The following GABPB2 variants were observed in gnomAD, a reference collection of about 807,000 sequenced individuals.
The protein encoded by GABPB2 is GA-binding protein subunit beta-2.
A neutral mutation model predicts 39.1 loss-of-function variants in GABPB2; 23 were observed. The ratio of observed to expected loss-of-function variants is 0.59; its 90% confidence interval spans 0.42 to 0.83. GABPB2 has a LOEUF of 0.83. Ranked by LOEUF, GABPB2 falls within the 40% of genes least tolerant of loss-of-function variation. GABPB2 has a pLI of 0.00. For missense variants in GABPB2, 467 were observed against 541.1 expected, an observed-to-expected ratio of 0.86 and a Z score of 1.36; for synonymous variants, 184 against 199.3, an observed-to-expected ratio of 0.92 and a Z score of 0.65.
At chr1:151,104,501 A>G (rs1239472155) in intron 6 of GABPB2, among the ~76,000 whole-genome samples, 1 of 152,230 alleles carries the variant, frequency 6.6e-6, no homozygotes, top group Non-Finnish European at 1.5e-5. Flanking sequence ...AGCAAAGGGA[A>G]AAGCAGTGTA....
chr1:151,114,686 ACT>A (rs1303932585), intron 7 of GABPB2, among the ~76,000 whole-genome samples: 1 of 149,200 alleles, frequency 6.7e-6, no homozygotes, highest in Non-Finnish European at 1.5e-5. Flanking sequence ...ACAGAGCGAG[ACT>A]CTGTCTCAAA....
intron 7 of GABPB2, among the ~76,000 whole-genome samples, chr1:151,111,659 G>A (rs983948758): frequency 2.7e-5 from 4 of 150,772 alleles, no homozygotes; most frequent in Non-Finnish European, 5.9e-5. Context: ...TGATCCACCC[G>A]CCTCGGCCTC....
intron 1 of GABPB2, among the ~76,000 whole-genome samples, chr1:151,087,709 C>G (rs1678323120): frequency 6.6e-6 from 1 of 152,054 alleles, no homozygotes; most frequent in South Asian, 2.1e-4. Flanking sequence ...ATTGTGCTAT[C>G]CAAAGACCTA....
intron 1 of GABPB2, among the ~76,000 whole-genome samples, chr1:151,077,020 C>A (rs957737404): frequency 6.6e-6 from 1 of 151,530 alleles, no homozygotes; most frequent in Non-Finnish European, 1.5e-5. Context: ...GTCTCAATCT[C>A]CTGACCTCGT....
intron 7 of GABPB2, among the ~76,000 whole-genome samples, chr1:151,116,631 AG>A (rs1680898583): frequency 6.6e-6 from 1 of 152,060 alleles, no homozygotes; most frequent in African/African-American, 2.4e-5. Context: ...GTTTTAAGAC[AG>A]GGTCTCATTC....
intron 1 of GABPB2, among the ~76,000 whole-genome samples, chr1:151,087,615 C>G (rs1678312280): frequency 6.6e-6 from 1 of 152,002 alleles, no homozygotes; most frequent in African/African-American, 2.4e-5. Context: ...CCACTGCTCT[C>G]CAGCCTGAGC....
intron 1 of GABPB2, among the ~76,000 whole-genome samples, chr1:151,074,823 T>A (rs1677032027): frequency 6.6e-6 from 1 of 152,132 alleles, no homozygotes; most frequent in Admixed American, 6.6e-5. Context: ...ATGATCTGTA[T>A]CTCGTGCTGA....
chr1:151,082,667 C>T (rs1381913965), intron 1 of GABPB2, among the ~76,000 whole-genome samples: 1 of 151,702 alleles, frequency 6.6e-6, no homozygotes, highest in Admixed American at 6.6e-5. Flanking sequence ...CCTCAGCCTC[C>T]CAAAGTGCTG....
At chr1:151,079,561 C>T (rs1239580393) in intron 1 of GABPB2, among the ~76,000 whole-genome samples, 1 of 151,592 alleles carries the variant, frequency 6.6e-6, no homozygotes, top group Non-Finnish European at 1.5e-5. Flanking sequence ...TATATAAATA[C>T]GATAAATGTA....
At chr1:151,086,818 C>A (rs1251871816) in intron 1 of GABPB2, among the ~76,000 whole-genome samples, 1 of 152,002 alleles carries the variant, frequency 6.6e-6, no homozygotes, top group Non-Finnish European at 1.5e-5. Context: ...TAGGCACGTA[C>A]CACCATGCCC....
At chr1:151,076,258 G>A (rs1352262140) in intron 1 of GABPB2, among the ~76,000 whole-genome samples, 3 of 152,128 alleles carry the variant, frequency 2.0e-5, no homozygotes, top group Non-Finnish European at 4.4e-5. Flanking sequence ...GGGGTTACTA[G>A]CTGATTCCAG....
intron 1 of GABPB2, among the ~76,000 whole-genome samples, chr1:151,079,933 A>T (rs1677511705): frequency 7.0e-6 from 1 of 142,744 alleles, no homozygotes; most frequent in Non-Finnish European, 1.5e-5. Context: ...ATAATAAAAC[A>T]TTGCCGGGCA....
chr1:151,111,523 C>T lies in GABPB2; in HGVS notation c.922+4301C>T, dbSNP rs1040697681. On this transcript the variant is annotated intron_variant, in intron 7 of 8. Transcript: ENST00000368918. ...CCGCAAGCTCCACCTCCCGGGTTGA[C>T]GCCATTCTCCTGCCTCAGCCTCCTG... Among the ~76,000 whole-genome samples the T allele has an allele frequency of 7.3e-5, 11 of 151,470 alleles. No homozygotes were observed. The South Asian group carries it at 8.4e-4, about 12-fold the overall frequency.
intron 1 of GABPB2, among the ~76,000 whole-genome samples, chr1:151,076,649 C>T (rs912201570): frequency 2.6e-5 from 4 of 151,796 alleles, no homozygotes; most frequent in Admixed American, 2.6e-4. Flanking sequence ...AGGCTGGTCT[C>T]GAACACCTGA....
Position 151,118,529 on chromosome 1 carries a change from G to T in GABPB2, c.*273G>T, listed in dbSNP as rs897230892. On this transcript the variant is annotated 3_prime_UTR_variant, in exon 9 of 9. Transcript: ENST00000368918. ...ACATAGAAGTAAAAGAATACTGCAT[G>T]TTGTGGGTTGATTTTTTTTTTTTAA... The T allele has an allele frequency of 6.3e-6, 2 of 318,326 alleles. No individual in the cohort carries two copies. Among genetic ancestry groups the T allele is most frequent in the Admixed American group, 8.8e-5 (2 of 22,666 alleles). The allele number at this position is 318,326 out of a possible 1,614,324, so 19.7% of individuals were successfully genotyped here.
intron 3 of GABPB2, 121 bp downstream of exon 3, chr1:151,090,694 T>A: frequency 1.0e-6 from 1 of 993,626 alleles, no homozygotes; most frequent in Non-Finnish European, 1.5e-6. Context: ...GTTATAGCAT[T>A]AAGTTGCATC....
intron 3 of GABPB2, 78 bp from the exon 4 acceptor site, chr1:151,093,114 C>T: frequency 5.4e-6 from 6 of 1,101,226 alleles, no homozygotes; most frequent in South Asian, 3.7e-5. Flanking sequence ...TATGGAAATC[C>T]TCTGTATTTG....
intron 7 of GABPB2, among the ~76,000 whole-genome samples, chr1:151,113,514 C>T (rs1571991013): frequency 6.6e-6 from 1 of 151,390 alleles, no homozygotes; most frequent in East Asian, 1.9e-4. Context: ...GCATGAGCTA[C>T]CGTGTCTGGC....
At position 151,103,556 on chromosome 1, in the gene GABPB2, A is replaced by G; in HGVS notation, c.623-6A>G. 2 of 1,601,750 alleles carry G rather than the reference A, an allele frequency of 1.2e-6. No homozygotes were observed. The highest frequency in any genetic ancestry group is 2.2e-5 in the South Asian group (2 of 90,410). On this transcript the variant is annotated splice_region_variant and splice_polypyrimidine_tract_variant and intron_variant, in intron 5 of 8. Transcript: ENST00000368918. ...TGGACCTCATTTGTCTTTCTTACTG[A>G]AATAGGTGACCCCCATGCCTCAACA...
Sources: gnomAD v4.1 joint callset for allele counts (sites outside exome capture counted in the v4.1 genomes callset) on GRCh38, gnomAD v4.1.1 for gene constraint, MANE v1.5 for transcripts, NCBI Gene and HGNC (gene_info 2026-07-23, HGNC 2026-07-21) for gene names.